PLAG1: variants seen among roughly 807,000 people sequenced by gnomAD.
PLAG1 encodes the protein PLAG1 zinc finger.
Under a neutral mutation model 35.5 loss-of-function variants are expected in PLAG1, and 7 were observed. That is an observed-to-expected ratio of 0.20 (90% CI 0.11 to 0.37). The LOEUF (loss-of-function observed/expected upper bound fraction) is 0.37. Ranked by LOEUF, PLAG1 falls within the 10% of genes least tolerant of loss-of-function variation. PLAG1 has a pLI of 1.00. For synonymous variants in PLAG1, 229 were observed against 225.4 expected, an observed-to-expected ratio of 1.02 and a Z score of -0.14; for missense variants, 454 against 602.8, an observed-to-expected ratio of 0.75 and a Z score of 2.58.
intron 1 of PLAG1, among the ~76,000 whole-genome samples, chr8:56,194,587 G>A (rs778572052): frequency 6.6e-6 from 1 of 151,890 alleles, no homozygotes; most frequent in Non-Finnish European, 1.5e-5. Flanking sequence ...GTGTGTGTGT[G>A]TGTGTGTGAA....
In PLAG1 at chr8:56,186,423, G is replaced by A. The variant is rs548527578; in HGVS notation, c.-321-6910C>T. Among the ~76,000 whole-genome samples the A allele has an allele frequency of 1.4e-4, 22 of 152,162 alleles. 1 individual carries two copies. In the South Asian group the frequency reaches 3.9e-3, roughly 27 times the overall value. ...ATCTCACTCTGTCATCCAGGCTGGAGTGCAGTGGTGCAATCTTGGCTCACT... is the reference window on the plus strand; with the variant it reads ...ATCTCACTCTGTCATCCAGGCTGGAATGCAGTGGTGCAATCTTGGCTCACT... On this transcript the variant is annotated intron_variant, in intron 1 of 4. Coordinates refer to ENST00000316981, the MANE Select transcript of PLAG1 (RefSeq NM_002655.3).
chr8:56,187,120 C>T (rs948707150), intron 1 of PLAG1, among the ~76,000 whole-genome samples: 1 of 152,182 alleles, frequency 6.6e-6, no homozygotes, highest in African/African-American at 2.4e-5. Context: ...CAGCCTCCTC[C>T]TTCTTGAAGC....
At chr8:56,191,747 T>C (rs1812188577) in intron 1 of PLAG1, among the ~76,000 whole-genome samples, 1 of 151,442 alleles carries the variant, frequency 6.6e-6, no homozygotes, top group East Asian at 1.9e-4. Context: ...TAACAGAACC[T>C]GTGGTATTAA....
Position 56,179,456 on chromosome 8 carries a change from G to T in PLAG1, c.-264C>A. ...AGCAAGGCAACCTTATTAATAGACC[G>T]TCACAGAATGAAGCATTCTGGGTGC... On this transcript the variant is annotated 5_prime_UTR_variant, in exon 2 of 5. Transcript: ENST00000316981. 6.1e-6 allele frequency: 6 copies of T among 979,028 alleles called. No individual in the cohort carries two copies. Among genetic ancestry groups the T allele is most frequent in the Non-Finnish European group, 7.3e-6 (6 of 823,796 alleles). 60.6% of individuals were successfully genotyped at this position (979,028 alleles called of 1,614,324 possible).
chr8:56,175,895 G>A (rs1811672825), intron 2 of PLAG1, among the ~76,000 whole-genome samples: 1 of 152,146 alleles, frequency 6.6e-6, no homozygotes, highest in African/African-American at 2.4e-5. Context: ...TAGCCAGAGA[G>A]AATGAACAGA....
At chr8:56,206,572 C>G (rs1812707690) in intron 1 of PLAG1, among the ~76,000 whole-genome samples, 1 of 151,876 alleles carries the variant, frequency 6.6e-6, no homozygotes, top group Non-Finnish European at 1.5e-5. Context: ...AAAAGAATTC[C>G]CATGCATGAA....
At chr8:56,178,592 G>C (rs187600054) in intron 2 of PLAG1, among the ~76,000 whole-genome samples, 170 of 152,262 alleles carry the variant, frequency 1.1e-3, no homozygotes, top group Non-Finnish European at 2.0e-3. Context: ...ATCAAGCTCT[G>C]TTGATGTATC....
In PLAG1 at chr8:56,189,208, A is replaced by G. The variant is rs185367511; in HGVS notation, c.-321-9695T>C. 3.3e-5 allele frequency among the ~76,000 whole-genome samples: 5 copies of G among 152,346 alleles called. No individual in the cohort carries two copies. In the East Asian group the frequency reaches 7.7e-4, roughly 23 times the overall value. The stretch of plus-strand genomic sequence containing the variant: ...AACCCACGGAAGAAAACAGTTGTCC[A>G]ATCTATTTGCTCACCTCTGTGAATA... On this transcript the variant is annotated intron_variant, in intron 1 of 4. Coordinates refer to ENST00000316981, the MANE Select transcript of PLAG1 (RefSeq NM_002655.3).
At chr8:56,176,726 G>C (rs1244984246) in intron 2 of PLAG1, among the ~76,000 whole-genome samples, 2 of 151,520 alleles carry the variant, frequency 1.3e-5, no homozygotes, top group East Asian at 3.9e-4. Flanking sequence ...TTACAAAGTA[G>C]GTAGCCCACA....
At chr8:56,188,334 T>C (rs954878692) in intron 1 of PLAG1, among the ~76,000 whole-genome samples, 1 of 152,192 alleles carries the variant, frequency 6.6e-6, no homozygotes, top group Non-Finnish European at 1.5e-5. Flanking sequence ...TCAACTAAGA[T>C]TCATACCGCA....
At chr8:56,194,674 G>A (rs1021393734) in intron 1 of PLAG1, among the ~76,000 whole-genome samples, 8 of 152,068 alleles carry the variant, frequency 5.3e-5, no homozygotes, top group East Asian at 3.9e-4. Flanking sequence ...TGCAGCATGC[G>A]TGTGGGGCAG....
At chr8:56,185,237 G>T (rs1390674042) in intron 1 of PLAG1, among the ~76,000 whole-genome samples, 1 of 152,152 alleles carries the variant, frequency 6.6e-6, no homozygotes, top group Non-Finnish European at 1.5e-5. Flanking sequence ...CATCACAAAA[G>T]GCCATGAGCA....
intron 3 of PLAG1, among the ~76,000 whole-genome samples, chr8:56,169,995 T>C (rs893672631): frequency 5.9e-5 from 9 of 152,254 alleles, no homozygotes; most frequent in Non-Finnish European, 5.9e-5. Flanking sequence ...CTTTCACGGA[T>C]TCCAGTTATA....
intron 1 of PLAG1, among the ~76,000 whole-genome samples, chr8:56,206,258 C>T (rs1001643779): frequency 2.6e-5 from 4 of 151,836 alleles, no homozygotes; most frequent in African/African-American, 7.2e-5. Flanking sequence ...GCAGACTAAT[C>T]GATTTAAAAG....
intron 2 of PLAG1, among the ~76,000 whole-genome samples, chr8:56,173,150 A>G (rs982786146): frequency 6.6e-6 from 1 of 152,142 alleles, no homozygotes; most frequent in Non-Finnish European, 1.5e-5. Flanking sequence ...AAAAACCTTT[A>G]GCATCTAAGT....
chr8:56,181,361 T>A (rs1163248712), intron 1 of PLAG1, among the ~76,000 whole-genome samples: 2 of 152,192 alleles, frequency 1.3e-5, no homozygotes, highest in Non-Finnish European at 2.9e-5. Flanking sequence ...ATGTGGCACA[T>A]ATACACCATG....
At chr8:56,169,405 A>C (rs1368833971) in intron 3 of PLAG1, among the ~76,000 whole-genome samples, 3 of 152,232 alleles carry the variant, frequency 2.0e-5, no homozygotes, top group African/African-American at 7.2e-5. Flanking sequence ...TTAAACAAAA[A>C]ATTTAAAAAT....
chr8:56,167,583 A>G lies in PLAG1; in HGVS notation c.243-80T>C. 1 of 822,230 alleles carries G rather than the reference A, an allele frequency of 1.2e-6. No homozygotes were observed. Among genetic ancestry groups the G allele is most frequent in the East Asian group, 2.7e-5 (1 of 37,682 alleles). 50.9% of individuals were successfully genotyped at this position (822,230 alleles called of 1,614,324 possible). A position where few individuals can be genotyped will look rare whatever the true frequency, so the allele number is the denominator to read the frequency against. On this transcript the variant is annotated intron_variant, in intron 4 of 4. Transcript: ENST00000316981. The surrounding 1 kb of genome is among the most constrained non-coding windows in gnomAD (Gnocchi z 5.9). ...TCACTTTTCAAATGGAAGCTAAACT[A>G]CTATGCTAACACAGAATTCCCTTAG...
At position 56,166,940 on chromosome 8, in the gene PLAG1, A is replaced by C. The variant is rs752777434; in HGVS notation, c.806T>G (p.Val269Gly). The change falls in exon 5 of 5, where the codon GTG becomes GGG. Residue 269 changes from valine to glycine, a missense_variant. Coordinates refer to ENST00000316981, the MANE Select transcript of PLAG1 (RefSeq NM_002655.3). ...SVPIKDELLP[V>G]MSLPSSELLS... ...CAGTTCACTGGAAGGTAAGGACATC[A>C]CCGGAAGGAGCTCGTCTTTTATAGG... 5.6e-6 allele frequency: 9 copies of C among 1,613,954 alleles called. No homozygotes were observed. In the East Asian group the frequency reaches 2.0e-4, roughly 36 times the overall value.
Sources: gnomAD v4.1 joint callset for allele counts (sites outside exome capture counted in the v4.1 genomes callset) on GRCh38, gnomAD v4.1.1 for gene constraint, Gnocchi (gnomAD v3.1) non-coding constraint, MANE v1.5 for transcripts, NCBI Gene and HGNC (gene_info 2026-07-23, HGNC 2026-07-21) for gene names.